Variants in KCNQ3 observed in about 807,000 individuals in gnomAD.
KCNQ3 encodes potassium voltage-gated channel subfamily KQT member 3.
Under a neutral mutation model 92.5 loss-of-function variants are expected in KCNQ3, and 30 were observed. The ratio of observed to expected loss-of-function variants is 0.32; its 90% confidence interval spans 0.24 to 0.44. The LOEUF (loss-of-function observed/expected upper bound fraction) is 0.44. Among genes scored for constraint, KCNQ3 ranks in the 20% least tolerant of loss-of-function variants. The pLI is 1.00. For missense variants in KCNQ3, 913 were observed against 1,140.3 expected, an observed-to-expected ratio of 0.80 and a Z score of 2.87; for synonymous variants, 450 against 468.8, an observed-to-expected ratio of 0.96 and a Z score of 0.52.
At chr8:132,372,556 G>C (rs532477065) in intron 1 of KCNQ3, among the ~76,000 whole-genome samples, 1 of 152,122 alleles carries the variant, frequency 6.6e-6, no homozygotes, top group African/African-American at 2.4e-5. Context: ...AGGAGTTCAA[G>C]ACCAGCCTGA....
At chr8:132,315,004 T>C (rs1817700233) in intron 1 of KCNQ3, among the ~76,000 whole-genome samples, 1 of 152,158 alleles carries the variant, frequency 6.6e-6, no homozygotes, top group African/African-American at 2.4e-5. Flanking sequence ...TAAAGGTAAA[T>C]TGGACCTAGT....
At chr8:132,424,584 G>A (rs1282203947) in intron 1 of KCNQ3, among the ~76,000 whole-genome samples, 1 of 152,226 alleles carries the variant, frequency 6.6e-6, no homozygotes, top group Non-Finnish European at 1.5e-5. Flanking sequence ...CACTTGGGTG[G>A]TATTCATTTC....
intron 1 of KCNQ3, among the ~76,000 whole-genome samples, chr8:132,306,374 C>G (rs1817422212): frequency 6.6e-6 from 1 of 152,118 alleles, no homozygotes; most frequent in Non-Finnish European, 1.5e-5. Flanking sequence ...AAAACTTGGC[C>G]AAAAAATCAT....
chr8:132,139,204 C>T lies in KCNQ3; in HGVS notation c.1568+872G>A, dbSNP rs549375280. 3.3e-5 allele frequency among the ~76,000 whole-genome samples: 5 copies of T among 152,322 alleles called. No individual in the cohort carries two copies. In the South Asian group the frequency reaches 8.3e-4, roughly 25 times the overall value. ...AAAATGCTAAAAGAAGAGAAGAAGA[C>T]GGCAGAGACTAGACTATGCAGCGTC... On this transcript the variant is annotated intron_variant, in intron 11 of 14. Transcript: ENST00000388996.
In KCNQ3 at chr8:132,187,834, G is replaced by GA. The variant is rs1563795746; in HGVS notation, c.387-1654_387-1653insT. 5.1e-3 allele frequency among the ~76,000 whole-genome samples: 557 copies of GA among 108,728 alleles called. 8 individuals carry two copies. The highest frequency in any genetic ancestry group is 0.026 in the African/African-American group (530 of 20,672). 71.3% of individuals were successfully genotyped at this position (108,728 alleles called of 152,430 possible). A position where few individuals can be genotyped will look rare whatever the true frequency, so the allele number is the denominator to read the frequency against. The stretch of plus-strand genomic sequence containing the variant: ...GGTGGTGGTGGTGGTGGTGGTGATT[G>GA]TGGTGGTGGTGGTGGTAGTGATGGT... On this transcript the variant is annotated intron_variant, in intron 1 of 14. Coordinates refer to ENST00000388996, the MANE Select transcript of KCNQ3 (RefSeq NM_004519.4).
chr8:132,138,054 GGA>G (rs1254428135), intron 11 of KCNQ3, 38 bp from the exon 12 acceptor site: 1 of 1,600,086 alleles, frequency 6.2e-7, no homozygotes, highest in Non-Finnish European at 8.5e-7. Context: ...CATCCCATGT[GGA>G]GAGTGCGGGG....
At chr8:132,333,793 G>T (rs1396818086) in intron 1 of KCNQ3, among the ~76,000 whole-genome samples, 1 of 151,440 alleles carries the variant, frequency 6.6e-6, no homozygotes, top group East Asian at 1.9e-4. Context: ...GAGTGCAGTG[G>T]TGTGATTTCG....
intron 1 of KCNQ3, among the ~76,000 whole-genome samples, chr8:132,260,897 C>A (rs1815766240): frequency 6.6e-6 from 1 of 152,134 alleles, no homozygotes; most frequent in South Asian, 2.1e-4. Context: ...TCCATCCATC[C>A]AATCACATTT....
chr8:132,190,666 A>T (rs963137858), intron 1 of KCNQ3, among the ~76,000 whole-genome samples: 1 of 152,236 alleles, frequency 6.6e-6, no homozygotes, highest in Non-Finnish European at 1.5e-5. Flanking sequence ...AGCCAACTCC[A>T]TGACTGCTGC....
chr8:132,316,837 A>G (rs561120447), intron 1 of KCNQ3, among the ~76,000 whole-genome samples: 2 of 152,346 alleles, frequency 1.3e-5, no homozygotes, highest in East Asian at 1.9e-4. Context: ...AATTCTGGCA[A>G]TAATGGACTT....
At chr8:132,140,362 A>T (rs543149821) in intron 10 of KCNQ3, 184 bp from the exon 11 acceptor site, 29 of 578,236 alleles carry the variant, frequency 5.0e-5, no homozygotes, top group Admixed American at 1.6e-4. Context: ...TGGCACCCTC[A>T]TTCTATTACC....
At chr8:132,437,211 C>T (rs1237931981) in intron 1 of KCNQ3, among the ~76,000 whole-genome samples, 1 of 151,352 alleles carries the variant, frequency 6.6e-6, no homozygotes. Context: ...CCCCAGGGGG[C>T]GGAGCCTGCA....
chr8:132,198,612 C>A (rs1827372940), intron 1 of KCNQ3, among the ~76,000 whole-genome samples: 1 of 151,988 alleles, frequency 6.6e-6, no homozygotes, highest in Non-Finnish European at 1.5e-5. Context: ...TTCCAGAAGA[C>A]CCTGGCCAAC....
intron 1 of KCNQ3, among the ~76,000 whole-genome samples, chr8:132,286,676 G>T (rs1816687226): frequency 6.6e-6 from 1 of 152,172 alleles, no homozygotes; most frequent in Admixed American, 6.5e-5. Flanking sequence ...AATTTTGGGG[G>T]TCCAAGGGAG....
chr8:132,262,988 T>C (rs1815840985), intron 1 of KCNQ3, among the ~76,000 whole-genome samples: 2 of 152,186 alleles, frequency 1.3e-5, no homozygotes, highest in East Asian at 1.9e-4. Flanking sequence ...CTCTGAGGAA[T>C]TGAGCAACGG....
At chr8:132,317,503 A>G (rs1482469548) in intron 1 of KCNQ3, among the ~76,000 whole-genome samples, 1 of 152,220 alleles carries the variant, frequency 6.6e-6, no homozygotes, top group Non-Finnish European at 1.5e-5. Flanking sequence ...TGACTTAAAC[A>G]TATTTAAGAT....
intron 1 of KCNQ3, among the ~76,000 whole-genome samples, chr8:132,470,254 G>T (rs1055174807): frequency 6.6e-6 from 1 of 152,118 alleles, no homozygotes; most frequent in African/African-American, 2.4e-5. Context: ...CTGTCATCTG[G>T]ACTCACGTGT....
At chr8:132,250,570 C>T (rs1370680352) in intron 1 of KCNQ3, among the ~76,000 whole-genome samples, 2 of 152,058 alleles carry the variant, frequency 1.3e-5, no homozygotes, top group East Asian at 1.9e-4. Flanking sequence ...AATACAGAGT[C>T]GAATTTTGTG....
At position 132,184,233 on chromosome 8, in the gene KCNQ3, G is replaced by A. The variant is rs374801250; in HGVS notation, c.604+8C>T. ...GAGGAGGCTGGGAGGCTCAGGGTCA[G>A]GACTTACCCAACATGCACAGGGGCT... is the stretch of plus-strand genomic sequence containing the variant. On this transcript the variant is annotated splice_region_variant and intron_variant, in intron 3 of 14. Coordinates refer to ENST00000388996, the MANE Select transcript of KCNQ3 (RefSeq NM_004519.4). 3 of 1,614,058 alleles carry A rather than the reference G, an allele frequency of 1.9e-6. No individual in the cohort carries two copies. In the African/African-American group the frequency reaches 4.0e-5, roughly 22 times the overall value.
Sources: gnomAD v4.1 joint callset for allele counts (sites outside exome capture counted in the v4.1 genomes callset) on GRCh38, gnomAD v4.1.1 for gene constraint, MANE v1.5 for transcripts, NCBI Gene and HGNC (gene_info 2026-07-23, HGNC 2026-07-21) for gene names.